Variants in SLC22A23 observed in about 807,000 individuals in gnomAD.
SLC22A23 encodes solute carrier family 22 member 23, also known as ion transporter protein.
A neutral mutation model predicts 61.0 loss-of-function variants in SLC22A23; 26 were observed. That is an observed-to-expected ratio of 0.43 (90% CI 0.31 to 0.59). The LOEUF (loss-of-function observed/expected upper bound fraction) is 0.59, where lower values mean the gene tolerates loss of function less well. SLC22A23 is among the 20% of genes least tolerant of loss of function. The probability of loss-of-function intolerance (pLI) is 0.11; values close to 1 mark genes in which losing one functional copy is unlikely to be tolerated. For missense variants in SLC22A23, 796 were observed against 934.7 expected (o/e 0.85, Z 1.94); for synonymous variants, 430 against 413.9 (o/e 1.04, Z -0.47).
Position 3,272,682 on chromosome 6 carries a change from CA to C in SLC22A23, c.*372del, listed in dbSNP as rs1284400278. 6.1e-6 allele frequency: 1 copy of C among 163,996 alleles called. No individual in the cohort carries two copies. The highest frequency in any genetic ancestry group is 1.3e-5 in the Non-Finnish European group (1 of 75,514). The allele number at this position is 163,996 out of a possible 1,614,324, so 10.2% of individuals were successfully genotyped here. On this transcript the variant is annotated 3_prime_UTR_variant, in exon 10 of 10. Coordinates refer to ENST00000406686, the MANE Select transcript of SLC22A23 (RefSeq NM_015482.2). ...TGCCAGGAGCCGTGTCCCATCTCCC[CA>C]GAGGGACCGGCCATGGCCCTGGTCA...
intron 3 of SLC22A23, among the ~76,000 whole-genome samples, chr6:3,393,764 T>C (rs755332178): frequency 1.3e-5 from 2 of 152,252 alleles, no homozygotes; most frequent in South Asian, 4.1e-4. Context: ...GCGGTCTGCA[T>C]AGCTTCTCAG....
intron 9 of SLC22A23, among the ~76,000 whole-genome samples, chr6:3,279,720 C>G (rs1018353213): frequency 6.6e-6 from 1 of 151,748 alleles, no homozygotes; most frequent in Non-Finnish European, 1.5e-5. Flanking sequence ...TTCTGCTTTT[C>G]TCTGGGTTGT....
chr6:3,294,128 CTT>C (rs1022212677), intron 5 of SLC22A23, among the ~76,000 whole-genome samples: 1 of 152,176 alleles, frequency 6.6e-6, no homozygotes, highest in African/African-American at 2.4e-5. Context: ...TGCTCAGCCT[CTT>C]TGGGCCCGTT....
At chr6:3,394,467 A>G (rs1767876028) in intron 3 of SLC22A23, among the ~76,000 whole-genome samples, 1 of 152,236 alleles carries the variant, frequency 6.6e-6, no homozygotes, top group African/African-American at 2.4e-5. Flanking sequence ...GGTAAATTTC[A>G]TTTATGGGAA....
chr6:3,454,209 T>C lies in SLC22A23; in HGVS notation c.654+1697A>G, dbSNP rs185721892. 1.6e-3 allele frequency among the ~76,000 whole-genome samples: 251 copies of C among 152,336 alleles called. 1 individual carries two copies. The highest frequency in any genetic ancestry group is 5.8e-3 in the African/African-American group (242 of 41,578). ...ACATGCCACACACATGAGGGCTGTCTGTGACCCTCTCGAATGCTAATTTAG... is the reference window on the plus strand; with the variant it reads ...ACATGCCACACACATGAGGGCTGTCCGTGACCCTCTCGAATGCTAATTTAG... On this transcript the variant is annotated intron_variant, in intron 1 of 9. Transcript: ENST00000406686. The surrounding 1 kb of genome is among the most constrained non-coding windows in gnomAD (Gnocchi z 4.3).
Position 3,286,738 on chromosome 6 carries a change from C to A in SLC22A23, c.1546+121G>T. On this transcript the variant is annotated intron_variant, in intron 7 of 9. Coordinates refer to ENST00000406686, the MANE Select transcript of SLC22A23 (RefSeq NM_015482.2). This position sits in a 1 kb window ranked among gnomAD's most constrained non-coding sequence, Gnocchi z 4.2. ...AACTGAAGCTCTGTTCTCCCCAAAG[C>A]AGCTCCTTCCAGCAGTAGATTTTAG... is the stretch of plus-strand genomic sequence containing the variant. The A allele has an allele frequency of 1.1e-6, 1 of 877,458 alleles. No individual in the cohort carries two copies. Among genetic ancestry groups the A allele is most frequent in the South Asian group, 1.6e-5 (1 of 60,688 alleles). 54.4% of individuals were successfully genotyped at this position (877,458 alleles called of 1,614,324 possible). A position where few individuals can be genotyped will look rare whatever the true frequency, so the allele number is the denominator to read the frequency against.
chr6:3,393,817 G>C (rs17308612), intron 3 of SLC22A23, among the ~76,000 whole-genome samples: 1 of 152,186 alleles, frequency 6.6e-6, no homozygotes, highest in Non-Finnish European at 1.5e-5. Context: ...TTCATTCGGA[G>C]TTACCTCTTC....
intron 3 of SLC22A23, among the ~76,000 whole-genome samples, chr6:3,362,055 AAAGGCTCTGTG>A (rs1255937112): frequency 2.0e-5 from 3 of 152,012 alleles, no homozygotes; most frequent in Non-Finnish European, 2.9e-5. Flanking sequence ...TCAGCAAATT[AAAGGCTCTGTG>A]AGGTCCTCTA....
chr6:3,411,340 G>A (rs1769228628), intron 2 of SLC22A23, among the ~76,000 whole-genome samples: 4 of 152,336 alleles, frequency 2.6e-5, no homozygotes, highest in Middle Eastern at 3.4e-3. Context: ...CCTGTCCCCA[G>A]TACCACAAAG....
At position 3,298,111 on chromosome 6, in the gene SLC22A23, T is replaced by A; in HGVS notation, c.1190A>T (p.Asp397Val). The change falls in exon 5 of 10, where the codon GAC becomes GTC. Residue 397 changes from aspartate to valine, a missense_variant. By Grantham distance (152) the Asp-to-Val change is radical (BLOSUM62 -3). Coordinates refer to ENST00000406686, the MANE Select transcript of SLC22A23 (RefSeq NM_015482.2). ...CTCACCTGGTATCACACCCTTGATG[T>A]CGCCCTCAGGGTTCATGCGATTCTT... is the stretch of plus-strand genomic sequence containing the variant. Reference protein sequence around the residue: ...TQKNRMNPEGDIKGVIPELEK... With the variant: ...TQKNRMNPEGVIKGVIPELEK... The A allele has an allele frequency of 6.4e-7, 1 of 1,572,832 alleles. No homozygotes were observed. The highest frequency in any genetic ancestry group is 8.6e-7 in the Non-Finnish European group (1 of 1,163,002).
Position 3,285,235 on chromosome 6 carries a change from C to T in SLC22A23, c.1547-124G>A, listed in dbSNP as rs1759876628. 5.2e-6 allele frequency: 7 copies of T among 1,345,754 alleles called. No homozygotes were observed. The South Asian group carries it at 7.8e-5, about 15-fold the overall frequency. 83.4% of individuals were successfully genotyped at this position (1,345,754 alleles called of 1,614,324 possible). A position where few individuals can be genotyped will look rare whatever the true frequency, so the allele number is the denominator to read the frequency against. On this transcript the variant is annotated intron_variant, in intron 7 of 9. Transcript: ENST00000406686. ...CCATGCGACTTGGTTCAAGCAAACT[C>T]CCTTCCGTGTCTGGGATGGCGCTGG...
intron 2 of SLC22A23, among the ~76,000 whole-genome samples, chr6:3,412,195 A>T (rs1769309521): frequency 6.6e-6 from 1 of 152,188 alleles, no homozygotes; most frequent in East Asian, 1.9e-4. Flanking sequence ...CTGATATTTT[A>T]GAAAAGATGT....
rs899850720 is a variant in SLC22A23, at chr6:3,328,444, G to C, written c.914-4442C>G. Among the ~76,000 whole-genome samples the C allele has an allele frequency of 6.6e-6, 1 of 152,166 alleles. No individual in the cohort carries two copies. The highest frequency in any genetic ancestry group is 1.5e-5 in the Non-Finnish European group (1 of 68,044). ...ACACTTTATGTGACGGAGGAGGAAG[G>C]CCTGAGGGAGTGGGGTGTGGGGGTT... On this transcript the variant is annotated intron_variant, in intron 3 of 9. Coordinates refer to ENST00000406686, the MANE Select transcript of SLC22A23 (RefSeq NM_015482.2). This position sits in a 1 kb window ranked among gnomAD's most constrained non-coding sequence, Gnocchi z 5.0.
chr6:3,455,278 G>A (rs780507322), intron 1 of SLC22A23, among the ~76,000 whole-genome samples: 12 of 152,176 alleles, frequency 7.9e-5, no homozygotes, highest in Non-Finnish European at 1.3e-4. Context: ...GTGACGGCCG[G>A]GGAACACCCA....
chr6:3,316,483 C>A (rs1217785418), intron 4 of SLC22A23, among the ~76,000 whole-genome samples: 1 of 152,202 alleles, frequency 6.6e-6, no homozygotes, highest in African/African-American at 2.4e-5. Context: ...TCTTTCTTTG[C>A]CCCACCGTTC....
chr6:3,432,484 C>T (rs1200157668), intron 1 of SLC22A23: 16 of 739,312 alleles, frequency 2.2e-5, no homozygotes, highest in South Asian at 6.0e-5. Flanking sequence ...CTTCCAGGAA[C>T]GCGTCTCCTT....
At chr6:3,353,374 T>C (rs1764889337) in intron 3 of SLC22A23, among the ~76,000 whole-genome samples, 2 of 152,216 alleles carry the variant, frequency 1.3e-5, no homozygotes. Flanking sequence ...CTGCCAATCT[T>C]GCCCTCTTCT....
At chr6:3,450,225 G>T (rs1772097958) in intron 1 of SLC22A23, among the ~76,000 whole-genome samples, 1 of 152,204 alleles carries the variant, frequency 6.6e-6, no homozygotes, top group Admixed American at 6.5e-5. Flanking sequence ...TTTAAAAATA[G>T]ATATGCATGA....
chr6:3,392,748 G>C (rs1767746920), intron 3 of SLC22A23, among the ~76,000 whole-genome samples: 1 of 152,144 alleles, frequency 6.6e-6, no homozygotes, highest in African/African-American at 2.4e-5. Context: ...TTCTAGGGAG[G>C]GATGGCTCTG....
Sources: allele counts gnomAD v4.1 joint callset (sites outside exome capture counted in the v4.1 genomes callset), GRCh38; gene constraint gnomAD v4.1.1; non-coding constraint Gnocchi (gnomAD v3.1); transcripts MANE v1.5; gene names NCBI Gene and HGNC (gene_info 2026-07-23, HGNC 2026-07-21).